CSMD1: variants seen among roughly 807,000 people sequenced by gnomAD.
CSMD1 encodes the protein CUB and sushi domain-containing protein 1.
In CSMD1, 213 loss-of-function variants were observed where a neutral mutation model predicts 417.5. The ratio of observed to expected loss-of-function variants is 0.51; its 90% CI spans 0.46 to 0.57. CSMD1 has a LOEUF of 0.57. Ranked by LOEUF, CSMD1 falls within the 20% of genes least tolerant of loss-of-function variation. CSMD1 has a pLI of 0.00. For synonymous variants in CSMD1, 2,862 were observed against 1,736.8 expected (o/e 1.65, Z -16.11); for missense variants, 6,923 against 4,529.7 (o/e 1.53, Z -15.17).
intron 5 of CSMD1, among the ~76,000 whole-genome samples, chr8:3,953,971 G>A (rs551377776): frequency 6.6e-5 from 10 of 152,172 alleles, no homozygotes; most frequent in African/African-American, 2.4e-4. Flanking sequence ...GAGCGCACAG[G>A]AGCCCTTCCT....
At chr8:3,513,344 T>G (rs945096412) in intron 10 of CSMD1, among the ~76,000 whole-genome samples, 1 of 151,834 alleles carries the variant, frequency 6.6e-6, no homozygotes, top group African/African-American at 2.4e-5. Context: ...ACAGATTTTT[T>G]TTTTTTTTTG....
At chr8:4,774,392 C>A (rs187581220) in intron 1 of CSMD1, among the ~76,000 whole-genome samples, 1 of 152,192 alleles carries the variant, frequency 6.6e-6, no homozygotes, top group Admixed American at 6.5e-5. Context: ...TGAATCCCAC[C>A]TCCAGTTGGA....
chr8:3,835,013 A>T (rs189388713), intron 5 of CSMD1, among the ~76,000 whole-genome samples: 3 of 152,242 alleles, frequency 2.0e-5, no homozygotes, highest in African/African-American at 7.2e-5. Flanking sequence ...CAAAACCACA[A>T]TGAGACACCA....
intron 10 of CSMD1, among the ~76,000 whole-genome samples, chr8:3,537,567 T>C (rs1007376995): frequency 6.6e-6 from 1 of 152,262 alleles, no homozygotes; most frequent in Admixed American, 6.5e-5. Flanking sequence ...TATTTGCATG[T>C]TTGTTTTAGA....
intron 54 of CSMD1, among the ~76,000 whole-genome samples, chr8:2,986,633 T>C (rs1446746563): frequency 6.6e-6 from 1 of 151,924 alleles, no homozygotes; most frequent in African/African-American, 2.4e-5. Context: ...GTCTCCCGAG[T>C]AGGTGGGACT....
At position 4,413,199 on chromosome 8, in the gene CSMD1, G is replaced by A. The variant is rs574821356; in HGVS notation, c.415+6754C>T. Among the ~76,000 whole-genome samples, 3 of 152,270 alleles carry A rather than the reference G, an allele frequency of 2.0e-5. No homozygotes were observed. The South Asian group carries it at 6.2e-4, about 32-fold the overall frequency. ...ACCTTAAATTCACAAACATCCCAGG[G>A]AGGGTTGCTCAGTTGACTGCAACCA... On this transcript the variant is annotated intron_variant, in intron 3 of 69. Coordinates refer to ENST00000635120, the MANE Select transcript of CSMD1 (RefSeq NM_033225.6).
intron 5 of CSMD1, among the ~76,000 whole-genome samples, chr8:3,870,743 A>AT (rs1448933283): frequency 6.6e-6 from 1 of 152,042 alleles, no homozygotes; most frequent in Non-Finnish European, 1.5e-5. Flanking sequence ...TCCTATGGCC[A>AT]TTTTTAACCA....
At chr8:3,252,981 C>G (rs961161091) in intron 26 of CSMD1, among the ~76,000 whole-genome samples, 1 of 152,110 alleles carries the variant, frequency 6.6e-6, no homozygotes, top group South Asian at 2.1e-4. Flanking sequence ...TGCTAGCAGT[C>G]TATCAATTTT....
intron 27 of CSMD1, among the ~76,000 whole-genome samples, chr8:3,227,054 A>G (rs1301281597): frequency 1.3e-5 from 2 of 152,264 alleles, no homozygotes; most frequent in Middle Eastern, 3.4e-3. Flanking sequence ...GAAAACATTA[A>G]TAAATATATA....
At chr8:4,013,498 G>A (rs1012095350) in intron 4 of CSMD1, among the ~76,000 whole-genome samples, 3 of 152,142 alleles carry the variant, frequency 2.0e-5, no homozygotes, top group Non-Finnish European at 4.4e-5. Flanking sequence ...GGAGAGTCCT[G>A]TCCAGGCAGT....
chr8:3,608,224 G>C (rs866033793), intron 8 of CSMD1, among the ~76,000 whole-genome samples: 2 of 151,970 alleles, frequency 1.3e-5, no homozygotes, highest in Non-Finnish European at 1.5e-5. Context: ...ACTGAAGGTG[G>C]GCAGGTGCCA....
At chr8:4,371,873 T>C (rs1278795992) in intron 3 of CSMD1, among the ~76,000 whole-genome samples, 2 of 152,248 alleles carry the variant, frequency 1.3e-5, no homozygotes, top group Non-Finnish European at 2.9e-5. Flanking sequence ...TTTACGATTG[T>C]GGACTGTGGA....
At chr8:2,984,288 G>C (rs140467630) in intron 54 of CSMD1, among the ~76,000 whole-genome samples, 3 of 152,256 alleles carry the variant, frequency 2.0e-5, no homozygotes, top group African/African-American at 7.2e-5. Context: ...AGGAGGGAGA[G>C]GTAGGATGCT....
intron 7 of CSMD1, among the ~76,000 whole-genome samples, chr8:3,622,131 G>C (rs1487338085): frequency 6.6e-6 from 1 of 151,950 alleles, no homozygotes; most frequent in South Asian, 2.1e-4. Context: ...AGTAAGCAGT[G>C]GTCTACTACT....
chr8:3,415,642 G>A (rs184291427), intron 12 of CSMD1, among the ~76,000 whole-genome samples: 5 of 152,202 alleles, frequency 3.3e-5, no homozygotes, highest in African/African-American at 4.8e-5. Context: ...TTACAGGCGT[G>A]AGCCATTGTG....
chr8:4,012,199 G>C (rs924521152), intron 4 of CSMD1, among the ~76,000 whole-genome samples: 2 of 152,052 alleles, frequency 1.3e-5, no homozygotes, highest in Non-Finnish European at 2.9e-5. Flanking sequence ...GACTGTATAT[G>C]ATTCTATGCC....
intron 5 of CSMD1, among the ~76,000 whole-genome samples, chr8:3,798,638 T>C (rs928920803): frequency 6.6e-6 from 1 of 152,222 alleles, no homozygotes; most frequent in East Asian, 1.9e-4. Context: ...TCATGCTATA[T>C]AAAAAATACA....
At chr8:4,728,104 T>C (rs1025613731) in intron 1 of CSMD1, among the ~76,000 whole-genome samples, 2 of 147,084 alleles carry the variant, frequency 1.4e-5, no homozygotes, top group African/African-American at 4.9e-5. Flanking sequence ...ACATTTGGTA[T>C]ATTTGGTGTA....
intron 14 of CSMD1, 36 bp from the exon 15 acceptor site, chr8:3,406,257 T>C (rs1812335767): frequency 6.7e-7 from 1 of 1,501,852 alleles, no homozygotes; most frequent in East Asian, 2.4e-5. Context: ...GGAATAAAAA[T>C]ACTTGAGTAT....
Sources: gnomAD v4.1 joint callset for allele counts (sites outside exome capture counted in the v4.1 genomes callset) on GRCh38, gnomAD v4.1.1 for gene constraint, MANE v1.5 for transcripts, NCBI Gene and HGNC (gene_info 2026-07-23, HGNC 2026-07-21) for gene names.